CDK11B: variants seen among roughly 807,000 people sequenced by gnomAD.
The protein encoded by CDK11B is cyclin dependent kinase 11B, also known as cyclin-dependent kinase 11B.
A neutral mutation model predicts 84.0 loss-of-function variants in CDK11B; 37 were observed. The ratio of observed to expected loss-of-function variants is 0.44; its 90% confidence interval spans 0.34 to 0.58. The LOEUF is 0.58. Ranked by LOEUF, CDK11B falls within the 20% of genes least tolerant of loss-of-function variation. CDK11B has a pLI of 0.02. For synonymous variants in CDK11B, 269 were observed against 309.8 expected (o/e 0.87, Z 1.38); for missense variants, 427 against 834.0 (o/e 0.51, Z 6.01).
rs369063477 is a variant in CDK11B at position 1,655,388 on chromosome 1, C to A, written c.208G>T (p.Glu70Ter). The change falls in exon 3 of 20, where the codon GAA becomes TAA. Residue 70 changes from glutamate (E) to a stop codon, truncating the protein, a stop_gained. Coordinates refer to ENST00000341832, the MANE Select transcript of CDK11B (RefSeq NM_033486.3). LOFTEE classifies it high-confidence loss of function. ...GCTCACCTGTCTTCCATAGAGTCTTCTCTTCTATACGGGGAGTTCCTTATT... is the reference window on the plus strand; with the variant it reads ...GCTCACCTGTCTTCCATAGAGTCTTATCTTCTATACGGGGAGTTCCTTATT... ...ITIRNSPYRR[E>*]DSMEDRGEED... 11 of 1,613,482 alleles carry A rather than the reference C, an allele frequency of 6.8e-6. No individual in the cohort carries two copies. The African/African-American group carries it at 1.3e-4, about 20-fold the overall frequency.
At chr1:1,644,124 CTA>C (rs1427415833) in intron 6 of CDK11B, among the ~76,000 whole-genome samples, 1 of 152,228 alleles carries the variant, frequency 6.6e-6, no homozygotes, top group Non-Finnish European at 1.5e-5. Context: ...AAGGGATCCT[CTA>C]TAAGATCATC....
intron 3 of CDK11B, among the ~76,000 whole-genome samples, chr1:1,654,697 C>T (rs1168678942): frequency 2.7e-5 from 4 of 150,120 alleles, no homozygotes; most frequent in African/African-American, 4.9e-5. Context: ...CTTGCTCTGT[C>T]GCCCAGGCTG....
intron 5 of CDK11B, among the ~76,000 whole-genome samples, chr1:1,647,366 C>T (rs1641298503): frequency 6.6e-6 from 1 of 152,300 alleles, no homozygotes; most frequent in East Asian, 1.9e-4. Flanking sequence ...GTTGTTACCA[C>T]CGAGGCCTGT....
At chr1:1,656,584 T>C (rs1293260998) in intron 2 of CDK11B, among the ~76,000 whole-genome samples, 2 of 151,944 alleles carry the variant, frequency 1.3e-5, no homozygotes, top group East Asian at 3.9e-4. Flanking sequence ...GGTCAGGAGA[T>C]TAAGATCATC....
chr1:1,651,702 CCT>C (rs1445986617), intron 4 of CDK11B, among the ~76,000 whole-genome samples: 8 of 146,906 alleles, frequency 5.4e-5, no homozygotes, highest in Non-Finnish European at 7.4e-5. Flanking sequence ...CTCTATAGCC[CCT>C]CTGAATGGTC....
intron 4 of CDK11B, among the ~76,000 whole-genome samples, chr1:1,650,489 C>T (rs1641855696): frequency 6.7e-6 from 1 of 149,702 alleles, no homozygotes; most frequent in African/African-American, 2.5e-5. Flanking sequence ...CCTCAGCCTC[C>T]CGAGTAGCTG....
Position 1,641,019 on chromosome 1 carries a change from G to A in CDK11B, c.1075+29C>T, listed in dbSNP as rs546149008. On this transcript the variant is annotated intron_variant, in intron 10 of 19. Transcript: ENST00000341832. ...TGCTGCACTCGGAGACAGACAAGGA[G>A]GGGGCTCTGTCTCCAGGGAGGTTCT... 4.4e-4 allele frequency: 688 copies of A among 1,579,728 alleles called. 8 individuals are homozygous for A. The East Asian group carries it at 0.015, about 35-fold the overall frequency.
chr1:1,645,078 C>T, intron 6 of CDK11B, 48 bp downstream of exon 6: 2 of 809,164 alleles, frequency 2.5e-6, no homozygotes, highest in South Asian at 3.2e-5. Flanking sequence ...CACCAGGGGG[C>T]AGCAGACACG....
chr1:1,653,059 GC>G, intron 3 of CDK11B, among the ~76,000 whole-genome samples: 1 of 150,738 alleles, frequency 6.6e-6, no homozygotes, highest in Non-Finnish European at 1.5e-5. Flanking sequence ...TCGCTCTGTT[GC>G]CCAGGCTGGA....
chr1:1,650,070 A>T (rs1305873871), intron 4 of CDK11B, among the ~76,000 whole-genome samples: 1 of 149,348 alleles, frequency 6.7e-6, no homozygotes, highest in Non-Finnish European at 1.5e-5. Flanking sequence ...TCAGATCGGG[A>T]CCATCCTGGC....
intron 5 of CDK11B, among the ~76,000 whole-genome samples, chr1:1,648,346 T>C (rs1309045227): frequency 6.6e-6 from 1 of 152,202 alleles, no homozygotes; most frequent in East Asian, 1.9e-4. Context: ...CATGAATGTT[T>C]CACACACTAA....
At chr1:1,655,323 C>G in intron 3 of CDK11B, 46 bp downstream of exon 3, 1 of 1,598,966 alleles carries the variant, frequency 6.3e-7, no homozygotes, top group South Asian at 1.1e-5. Flanking sequence ...CCGGCCAGGC[C>G]AGGGCTGTGT....
At chr1:1,647,621 G>T (rs753545370) in intron 5 of CDK11B, among the ~76,000 whole-genome samples, 1 of 152,228 alleles carries the variant, frequency 6.6e-6, no homozygotes, top group Non-Finnish European at 1.5e-5. Context: ...CATCTGTGGC[G>T]GCTTCTATTT....
At position 1,637,477 on chromosome 1, in the gene CDK11B, T is replaced by C. The variant is rs747259510; in HGVS notation, c.1501A>G (p.Ile501Val). ...TCGTGCTCCACATAGTTCATCACGA[T>C]GTAGATCTTGTCCATGTTGCTGCCC... ...VVGSNMDKIY[I>V]VMNYVEHDLK... Residue 501 changes from isoleucine to valine, a missense_variant, in exon 14 of 20, where the codon ATC becomes GTC. Ile to Val is a conservative substitution (Grantham distance 29). Transcript: ENST00000341832. The C allele has an allele frequency of 1.9e-6, 3 of 1,613,660 alleles. No individual in the cohort carries two copies. The highest frequency in any genetic ancestry group is 1.1e-5 in the South Asian group (1 of 91,058).
At chr1:1,651,582 C>T (rs1275206990) in intron 4 of CDK11B, among the ~76,000 whole-genome samples, 1 of 151,568 alleles carries the variant, frequency 6.6e-6, no homozygotes, top group Non-Finnish European at 1.5e-5. Context: ...CTGGAGTTTG[C>T]TCTCTCTGGT....
chr1:1,658,667 G>A (rs953175499), intron 1 of CDK11B, among the ~76,000 whole-genome samples: 6 of 148,496 alleles, frequency 4.0e-5, no homozygotes, highest in Admixed American at 2.7e-4. Flanking sequence ...CCGGGCACTG[G>A]GCTATTTCCT....
intron 9 of CDK11B, 121 bp from the exon 10 acceptor site, chr1:1,641,234 C>T (rs1197452331): frequency 1.3e-5 from 19 of 1,518,704 alleles, no homozygotes; most frequent in East Asian, 6.9e-5. Context: ...GCAGGCCGGG[C>T]GCGGTGGCTC....
intron 5 of CDK11B, among the ~76,000 whole-genome samples, chr1:1,649,050 C>T (rs962292435): frequency 4.6e-5 from 7 of 152,290 alleles, no homozygotes; most frequent in Admixed American, 6.5e-5. Context: ...TCAGCCTCGT[C>T]CAGCGTTCAC....
At chr1:1,652,378 G>C (rs1263187150) in intron 4 of CDK11B, 61 bp downstream of exon 4, 36 of 1,362,464 alleles carry the variant, frequency 2.6e-5, no homozygotes, top group Non-Finnish European at 3.2e-5. Context: ...AGGCAGAAGA[G>C]TAGGAACAGG....
Sources: allele counts gnomAD v4.1 joint callset (sites outside exome capture counted in the v4.1 genomes callset), GRCh38; gene constraint gnomAD v4.1.1; transcripts MANE v1.5; gene names NCBI Gene and HGNC (gene_info 2026-07-23, HGNC 2026-07-21).